KIAA0586: variants seen among roughly 807,000 people sequenced by gnomAD.
The protein encoded by KIAA0586 is KIAA0586, also known as protein TALPID3.
Under a neutral mutation model 169.8 loss-of-function variants are expected in KIAA0586, and 144 were observed. That is an observed-to-expected ratio of 0.85 (90% CI 0.74 to 0.97). The LOEUF is 0.97. Ranked by LOEUF, KIAA0586 falls within the 50% of genes least tolerant of loss-of-function variation. The pLI is 0.00. For missense variants in KIAA0586, 1,854 were observed against 1,823.0 expected (o/e 1.02, Z -0.31); for synonymous variants, 625 against 612.4 (o/e 1.02, Z -0.30).
chr14:58,430,889 A>T (rs983139585), intron 3 of KIAA0586, among the ~76,000 whole-genome samples, 172 bp downstream of exon 3: 1 of 152,138 alleles, frequency 6.6e-6, no homozygotes, highest in Non-Finnish European at 1.5e-5. Context: ...CCCATTAAAC[A>T]CTAACTGCTC....
chr14:58,460,521 A>C (rs1405519837), intron 13 of KIAA0586, among the ~76,000 whole-genome samples: 3 of 152,192 alleles, frequency 2.0e-5, no homozygotes, highest in Admixed American at 2.0e-4. Flanking sequence ...TAAGTTTCTA[A>C]GTGCCAAACA....
chr14:58,526,606 C>G (rs980571139), intron 29 of KIAA0586, among the ~76,000 whole-genome samples: 2 of 152,140 alleles, frequency 1.3e-5, no homozygotes, highest in Non-Finnish European at 2.9e-5. Flanking sequence ...GAGGAAAAAC[C>G]AGTGCAAAAA....
At position 58,430,674 on chromosome 14, in the gene KIAA0586, A is replaced by G. The variant is rs1205907139; in HGVS notation, c.297A>G (p.Gln99=). The change falls in exon 3 of 31, where the codon CAA becomes CAG. Residue 99 remains glutamine, a synonymous_variant. Transcript: ENST00000652326. ...ESDFSKDVAV[Q]VLPLDKIEEN... Reference sequence around the variant, plus strand: ...ATTTTTCTAAAGACGTTGCAGTGCAAGTGTTGCCTTTGGATAAAATAGAAG... The same window carrying G: ...ATTTTTCTAAAGACGTTGCAGTGCAGGTGTTGCCTTTGGATAAAATAGAAG... The G allele has an allele frequency of 2.2e-5, 36 of 1,605,226 alleles. No homozygotes were observed. The highest frequency in any genetic ancestry group is 1.7e-4 in the Middle Eastern group (1 of 5,748).
chr14:58,429,093 C>T (rs2037135841), intron 1 of KIAA0586, among the ~76,000 whole-genome samples: 1 of 152,138 alleles, frequency 6.6e-6, no homozygotes, highest in African/African-American at 2.4e-5. Flanking sequence ...ATAGTTTGTC[C>T]ACATCCAATA....
chr14:58,560,391 C>G, the KIAA0586 span, among the ~76,000 whole-genome samples: 1 of 152,120 alleles, frequency 6.6e-6, no homozygotes, highest in African/African-American at 2.4e-5. Context: ...TCATGTATGC[C>G]GGATTGTTGA....
At chr14:58,495,395 G>A (rs2043097352) in intron 26 of KIAA0586, among the ~76,000 whole-genome samples, 1 of 151,852 alleles carries the variant, frequency 6.6e-6, no homozygotes, top group Admixed American at 6.6e-5. Flanking sequence ...TCGAACTCTT[G>A]GACTCAAGCA....
chr14:58,429,383 G>C lies in KIAA0586; in HGVS notation c.220G>C (p.Ala74Pro), dbSNP rs748031975. ...GTTAGGTTCATCAGACTTAACTTCTGCTAGAAATTGTTACCAGCCTCTATT... is the reference window on the plus strand; with the variant it reads ...GTTAGGTTCATCAGACTTAACTTCTCCTAGAAATTGTTACCAGCCTCTATT... ...TSRGSSDLTSARNCYQPLLEN... is the reference protein window; with the variant it reads ...TSRGSSDLTSPRNCYQPLLEN... Residue 74 changes from alanine (A) to proline (P), a missense_variant, in exon 2 of 31, where the codon GCT becomes CCT. Ala to Pro is a conservative substitution (Grantham distance 27). Coordinates refer to ENST00000652326, the MANE Select transcript of KIAA0586 (RefSeq NM_001329943.3). 6.3e-7 allele frequency: 1 copy of C among 1,597,336 alleles called. No homozygotes were observed.
chr14:58,457,777 A>T lies in KIAA0586; in HGVS notation c.1381A>T (p.Met461Leu). 3.1e-6 allele frequency: 5 copies of T among 1,598,626 alleles called. No homozygotes were observed. The highest frequency in any genetic ancestry group is 4.3e-6 in the Non-Finnish European group (5 of 1,172,536). Residue 461 changes from methionine to leucine, a missense_variant, in exon 11 of 31, where the codon ATG becomes TTG. Physicochemically the swap from Met to Leu is conservative, Grantham distance 15. Coordinates refer to ENST00000652326, the MANE Select transcript of KIAA0586 (RefSeq NM_001329943.3). Reference protein sequence around the residue: ...SMVQPKESLSMLKLPDLPQNS... With the variant: ...SMVQPKESLSLLKLPDLPQNS... ...TTTTAAGCCAAAAGAATCTCTGAGT[A>T]TGTTGAAGCTTCCAGATCTTCCACA...
At chr14:58,535,546 C>T (rs1010062204) in intron 29 of KIAA0586, among the ~76,000 whole-genome samples, 73 of 151,918 alleles carry the variant, frequency 4.8e-4, no homozygotes, top group African/African-American at 1.7e-3. Flanking sequence ...ACTTTTATGC[C>T]GCCAGGATCC....
rs904008260 is a variant in KIAA0586, at chr14:58,550,853, T to G, written c.*2921T>G. The G allele has an allele frequency of 6.9e-6, 1 of 145,802 alleles. No homozygotes were observed. The highest frequency in any genetic ancestry group is 1.5e-5 in the Non-Finnish European group (1 of 66,840). The allele number at this position is 145,802 out of a possible 1,614,324, so 9.0% of individuals were successfully genotyped here. On this transcript the variant is annotated 3_prime_UTR_variant, in exon 31 of 31. Transcript: ENST00000652326. ...TGTCTCAAAAAAAAAAAAAAAAAAA[T>G]TGCTGAGCTATCATGCCTTAACACT...
In KIAA0586 at chr14:58,461,097, A is replaced by G. The variant is rs772053869; in HGVS notation, c.1996A>G (p.Arg666Gly). 4 of 1,611,854 alleles carry G rather than the reference A, an allele frequency of 2.5e-6. No individual in the cohort carries two copies. Among genetic ancestry groups the G allele is most frequent in the South Asian group, 2.2e-5 (2 of 90,704 alleles). The change falls in exon 14 of 31, where the codon AGA (arginine) becomes GGA (glycine). Residue 666 changes from arginine to glycine, a missense_variant. By Grantham distance (125) the Arg-to-Gly change is moderately radical. Transcript: ENST00000652326. Reference sequence around the variant, plus strand: ...CACTCTTAAAAAAGGACCATATCTCAGATTTAATTCTCCATCTCCTAAGTC... The same window carrying G: ...CACTCTTAAAAAAGGACCATATCTCGGATTTAATTCTCCATCTCCTAAGTC... ...RSTLKKGPYL[R>G]FNSPSPKSRP...
intron 22 of KIAA0586, 74 bp downstream of exon 22, chr14:58,487,240 T>C (rs2042520177): frequency 2.4e-6 from 3 of 1,239,414 alleles, no homozygotes; most frequent in Non-Finnish European, 3.4e-6. Context: ...TATGTACTTG[T>C]TGCTTACTAG....
At chr14:58,553,508 TTTGA>T (rs941298007), downstream of KIAA0586, among the ~76,000 whole-genome samples, 5 of 151,972 alleles carry the variant, frequency 3.3e-5, no homozygotes, top group African/African-American at 4.8e-5. Context: ...AGTCAGTTCA[TTTGA>T]TTGGGCATAA....
chr14:58,477,465 A>T (rs2041728888), intron 20 of KIAA0586, among the ~76,000 whole-genome samples: 1 of 152,118 alleles, frequency 6.6e-6, no homozygotes, highest in African/African-American at 2.4e-5. Context: ...CTCCCACCCC[A>T]AATCTCTTTG....
intron 22 of KIAA0586, 58 bp from the exon 23 acceptor site, chr14:58,487,829 C>A (rs2141191185): frequency 9.1e-7 from 1 of 1,102,946 alleles, no homozygotes; most frequent in South Asian, 1.4e-5. Context: ...TCATGCCATC[C>A]TATGGAGTTC....
At chr14:58,444,251 T>G in intron 6 of KIAA0586, 76 bp downstream of exon 6, 1 of 897,994 alleles carries the variant, frequency 1.1e-6, no homozygotes, top group Non-Finnish European at 1.8e-6. Context: ...CATTGATAAT[T>G]ACAGTAGCTC....
chr14:58,427,624 G>A, upstream of KIAA0586: 1 of 1,535,680 alleles, frequency 6.5e-7, no homozygotes, highest in Non-Finnish European at 8.7e-7. Context: ...TAGCTTTCTG[G>A]TTGGATGTTT....
Position 58,550,024 on chromosome 14 carries a change from G to A in KIAA0586, c.*2092G>A, listed in dbSNP as rs1249220418. 1 of 150,822 alleles carries A rather than the reference G, an allele frequency of 6.6e-6. No homozygotes were observed. The highest frequency in any genetic ancestry group is 1.5e-5 in the Non-Finnish European group (1 of 67,762). 9.3% of individuals were successfully genotyped at this position (150,822 alleles called of 1,614,324 possible). A position where few individuals can be genotyped will look rare whatever the true frequency, so the allele number is the denominator to read the frequency against. On this transcript the variant is annotated 3_prime_UTR_variant, in exon 31 of 31. Coordinates refer to ENST00000652326, the MANE Select transcript of KIAA0586 (RefSeq NM_001329943.3). The stretch of plus-strand genomic sequence containing the variant: ...GTTTCTTTTTTTTTTTTTTGAGATG[G>A]AATTTTGCTCGTTGCCCAGGCTGGA...
At position 58,461,037 on chromosome 14, in the gene KIAA0586, G is replaced by T; in HGVS notation, c.1936G>T (p.Val646Phe). Residue 646 changes from valine (V) to phenylalanine (F), a missense_variant, in exon 14 of 31, where the codon GTC becomes TTC. Physicochemically the swap from Val to Phe is conservative, Grantham distance 50. Transcript: ENST00000652326. The part of the protein sequence containing the change: ...VIQDEDYMLQ[V>F]YGKPVYQGHR... The stretch of plus-strand genomic sequence containing the variant: ...ACAAGATGAAGATTATATGTTACAA[G>T]TCTATGGAAAGCCAGTTTATCAGGG... 1.2e-6 allele frequency: 2 copies of T among 1,612,200 alleles called. No individual in the cohort carries two copies. The highest frequency in any genetic ancestry group is 1.7e-6 in the Non-Finnish European group (2 of 1,179,276).
Sources: allele counts gnomAD v4.1 joint callset (sites outside exome capture counted in the v4.1 genomes callset), GRCh38; gene constraint gnomAD v4.1.1; transcripts MANE v1.5; gene names NCBI Gene and HGNC (gene_info 2026-07-23, HGNC 2026-07-21).